Variants in MKKS observed in about 807,000 individuals in gnomAD.
The protein encoded by MKKS is MKKS centrosomal shuttling protein.
MKKS carries 29 observed loss-of-function variants against 33.2 expected under a neutral mutation model. The ratio of observed to expected loss-of-function variants is 0.87; its 90% CI spans 0.65 to 1.19. The LOEUF (loss-of-function observed/expected upper bound fraction) is 1.19, where lower values mean the gene tolerates loss of function less well. Ranked by LOEUF, MKKS falls within the 50% of genes most tolerant of loss-of-function variation. The pLI is 0.00. For synonymous variants in MKKS, 260 were observed against 244.0 expected (o/e 1.07, Z -0.61); for missense variants, 661 against 662.3 (o/e 1.00, Z 0.02).
chr20:10,431,169 T>C (rs778831257), intron 1 of MKKS, among the ~76,000 whole-genome samples: 1 of 152,176 alleles, frequency 6.6e-6, no homozygotes, highest in Non-Finnish European at 1.5e-5. Context: ...TATATAAAAA[T>C]AGGCACCCCT....
intron 1 of MKKS, among the ~76,000 whole-genome samples, chr20:10,429,534 T>A (rs1299834317): frequency 6.6e-6 from 1 of 152,124 alleles, no homozygotes; most frequent in East Asian, 1.9e-4. Flanking sequence ...TCATCTCATA[T>A]AAAAATAAGT....
In MKKS at chr20:10,404,014, A is replaced by G. The variant is rs981772344; in HGVS notation, c.*1233T>C. ...ATGGCTATAGATCTGATCATTGACT[A>G]TTAGGTTGGTTTGTTTCCCAAAAAT... On this transcript the variant is annotated 3_prime_UTR_variant, in exon 6 of 6. Transcript: ENST00000347364. 6 of 152,174 alleles carry G rather than the reference A, an allele frequency of 3.9e-5. No individual in the cohort carries two copies. Among genetic ancestry groups the G allele is most frequent in the African/African-American group, 1.4e-4 (6 of 41,444 alleles). The allele number at this position is 152,174 out of a possible 1,614,324, so 9.4% of individuals were successfully genotyped here. A position where few individuals can be genotyped will look rare whatever the true frequency, so the allele number is the denominator to read the frequency against.
intron 1 of MKKS, among the ~76,000 whole-genome samples, chr20:10,424,667 C>G (rs1250632887): frequency 6.6e-6 from 1 of 152,040 alleles, no homozygotes; most frequent in African/African-American, 2.4e-5. Flanking sequence ...TAAACTCTTG[C>G]AGAGCTTTTA....
Position 10,412,778 on chromosome 20 carries a change from G to A in MKKS, c.737C>T (p.Thr246Ile). The change falls in exon 3 of 6, where the codon ACA (threonine) becomes ATA (isoleucine). Residue 246 changes from threonine to isoleucine, a missense_variant. By Grantham distance (89) the Thr-to-Ile change is moderately conservative. Coordinates refer to ENST00000347364, the MANE Select transcript of MKKS (RefSeq NM_170784.3). ...GTCAGAAGTGTCTCCGGATAAAGTT[G>A]TACAAAAGAGTGCCACCTTGAGGGC... ...STALKVALFC[T>I]TLSGDTSDTG... The A allele has an allele frequency of 6.2e-7, 1 of 1,614,130 alleles. No homozygotes were observed. The highest frequency in any genetic ancestry group is 8.5e-7 in the Non-Finnish European group (1 of 1,180,000).
At chr20:10,427,390 T>A (rs2122277102) in intron 1 of MKKS, among the ~76,000 whole-genome samples, 1 of 152,330 alleles carries the variant, frequency 6.6e-6, no homozygotes, top group South Asian at 2.1e-4. Flanking sequence ...TTCCACTGAA[T>A]GTAATTTAAT....
chr20:10,408,953 T>C, intron 3 of MKKS, 150 bp from the exon 4 acceptor site: 1 of 626,856 alleles, frequency 1.6e-6, no homozygotes. Context: ...TGAATATTCC[T>C]AAACTGCTAA....
chr20:10,407,769 T>C (rs1407260619), intron 4 of MKKS, 43 bp from the exon 5 acceptor site: 3 of 1,398,676 alleles, frequency 2.1e-6, no homozygotes, highest in South Asian at 1.2e-5. Flanking sequence ...GTTCACATCA[T>C]ATTAACACAC....
chr20:10,405,584 CCAA>C lies in MKKS; in HGVS notation c.1373_1375del (p.Val458del). 5 of 1,614,102 alleles carry C rather than the reference CCAA, an allele frequency of 3.1e-6. No individual in the cohort carries two copies. The highest frequency in any genetic ancestry group is 4.2e-6 in the Non-Finnish European group (5 of 1,180,006). ...TTCACCTCCATCATGTTCTAAAGAG[CCAA>C]CAACAGATTCTAGGGCACTGCAAAA... On this transcript the variant is annotated inframe_deletion, in exon 6 of 6. Transcript: ENST00000347364.
At chr20:10,427,712 T>C (rs2065025825) in intron 1 of MKKS, among the ~76,000 whole-genome samples, 1 of 152,230 alleles carries the variant, frequency 6.6e-6, no homozygotes, top group Non-Finnish European at 1.5e-5. Context: ...ATCGTTTTCC[T>C]TTTTCTTTTC....
At position 10,410,404 on chromosome 20, in the gene MKKS, G is replaced by A. The variant is rs548684938; in HGVS notation, c.986-1601C>T. 1.2e-4 allele frequency among the ~76,000 whole-genome samples: 19 copies of A among 152,182 alleles called. No individual in the cohort carries two copies. The South Asian group carries it at 3.5e-3, about 28-fold the overall frequency. On this transcript the variant is annotated intron_variant, in intron 3 of 5. Transcript: ENST00000347364. ...CCAGTACTTTGGGAGGTTGAGATGGGTGGATCACCTGAGCTCAGGAGTTCA... is the reference window on the plus strand; with the variant it reads ...CCAGTACTTTGGGAGGTTGAGATGGATGGATCACCTGAGCTCAGGAGTTCA...
intron 2 of MKKS, among the ~76,000 whole-genome samples, chr20:10,416,569 A>G (rs1169881806): frequency 1.3e-5 from 2 of 152,210 alleles, no homozygotes; most frequent in African/African-American, 4.8e-5. Flanking sequence ...AAAAACCCTA[A>G]GTGGCTTGAG....
chr20:10,409,831 C>T (rs868669691), intron 3 of MKKS, among the ~76,000 whole-genome samples: 7 of 151,394 alleles, frequency 4.6e-5, no homozygotes, highest in African/African-American at 1.5e-4. Flanking sequence ...ACTAGCCGGG[C>T]GTGGTGGCAG....
intron 1 of MKKS, among the ~76,000 whole-genome samples, chr20:10,430,189 A>T (rs1475942280): frequency 6.6e-6 from 1 of 152,232 alleles, no homozygotes; most frequent in African/African-American, 2.4e-5. Flanking sequence ...AGTTTTCAGA[A>T]AGTCAAGCAC....
chr20:10,412,482 AGT>A lies in MKKS; in HGVS notation c.985+46_985+47del, dbSNP rs771955317. 32 of 1,590,726 alleles carry A rather than the reference AGT, an allele frequency of 2.0e-5. 1 individual carries two copies. In the Admixed American group the frequency reaches 4.8e-4, roughly 24 times the overall value. ...AACCAAAAATATCTCTGCTCAAAAA[AGT>A]GTGATTTATTAACTGTAAGAGGCAA... On this transcript the variant is annotated intron_variant, in intron 3 of 5. Coordinates refer to ENST00000347364, the MANE Select transcript of MKKS (RefSeq NM_170784.3).
In MKKS at chr20:10,430,031, C is replaced by G. The variant is rs1011346858; in HGVS notation, c.-649+4077G>C. ...CTTTTAATATAGCCATCTTGCAAAA[C>G]AAAAAACAAAAAAACAAAAACAAAA... On this transcript the variant is annotated intron_variant, in intron 1 of 5. Transcript: ENST00000347364. Among the ~76,000 whole-genome samples the G allele has an allele frequency of 3.5e-5, 4 of 114,312 alleles. No homozygotes were observed. In the East Asian group the frequency reaches 6.3e-4, roughly 18 times the overall value. 75.0% of individuals were successfully genotyped at this position (114,312 alleles called of 152,430 possible). A position where few individuals can be genotyped will look rare whatever the true frequency, so the allele number is the denominator to read the frequency against.
chr20:10,428,775 G>C (rs1393151271), intron 1 of MKKS, among the ~76,000 whole-genome samples: 1 of 152,110 alleles, frequency 6.6e-6, no homozygotes, highest in Non-Finnish European at 1.5e-5. Flanking sequence ...GGAGGCAGAG[G>C]TTACATTACA....
intron 1 of MKKS, among the ~76,000 whole-genome samples, chr20:10,430,623 G>A (rs2065048269): frequency 6.6e-6 from 1 of 152,200 alleles, no homozygotes; most frequent in Admixed American, 6.5e-5. Context: ...AAAATACCCA[G>A]TCTCAACAGA....
At chr20:10,428,213 T>TAGAGTGGTTTATAGA (rs2065029332) in intron 1 of MKKS, among the ~76,000 whole-genome samples, 1 of 152,214 alleles carries the variant, frequency 6.6e-6, no homozygotes, top group Admixed American at 6.5e-5. Flanking sequence ...TGTCTGAGAA[T>TAGAGTGGTTTATAGA]CCTGTCCCCT....
chr20:10,414,029 GA>G (rs943039223), intron 2 of MKKS, 98 bp from the exon 3 acceptor site: 2 of 386,474 alleles, frequency 5.2e-6, no homozygotes, highest in African/African-American at 4.1e-5. Context: ...TGCCTTTTTA[GA>G]AAAAGGAACT....
Sources: allele counts gnomAD v4.1 joint callset (sites outside exome capture counted in the v4.1 genomes callset), GRCh38; gene constraint gnomAD v4.1.1; transcripts MANE v1.5; gene names NCBI Gene and HGNC (gene_info 2026-07-23, HGNC 2026-07-21).